Variants in INPP4B observed in about 807,000 individuals in gnomAD.
INPP4B encodes the protein inositol polyphosphate 4-phosphatase type II.
Under a neutral mutation model 122.5 loss-of-function variants are expected in INPP4B, and 55 were observed. The observed-to-expected ratio is 0.45, with a 90% CI of 0.36 to 0.56. The LOEUF (loss-of-function observed/expected upper bound fraction) is 0.56, where lower values mean the gene tolerates loss of function less well. Among genes scored for constraint, INPP4B ranks in the 20% least tolerant of loss-of-function variants. The pLI, the probability that INPP4B is intolerant of heterozygous loss-of-function variation, is 0.00. For missense variants in INPP4B, 1,000 were observed against 1,097.7 expected (o/e 0.91, Z 1.26); for synonymous variants, 403 against 388.7 (o/e 1.04, Z -0.43).
At chr4:142,033,827 G>A (rs1301267109) in intron 25 of INPP4B, among the ~76,000 whole-genome samples, 1 of 79,026 alleles carries the variant, frequency 1.3e-5, no homozygotes, top group Non-Finnish European at 3.0e-5. Flanking sequence ...AACATGCGCA[G>A]CTAATTTTTG....
chr4:142,296,770 T>C (rs1758883454), intron 9 of INPP4B, among the ~76,000 whole-genome samples: 1 of 152,218 alleles, frequency 6.6e-6, no homozygotes. Context: ...AATCTCACAT[T>C]TGCATGCTTT....
intron 25 of INPP4B, among the ~76,000 whole-genome samples, chr4:142,061,771 G>A (rs59505980): frequency 0.063 from 9,408 of 150,284 alleles, 484 homozygotes; most frequent in East Asian, 0.24. Context: ...TATATTGTAT[G>A]TTCTAAATAC....
intron 2 of INPP4B, among the ~76,000 whole-genome samples, chr4:142,566,974 G>A (rs548088007): frequency 6.6e-6 from 1 of 152,078 alleles, no homozygotes; most frequent in East Asian, 1.9e-4. Flanking sequence ...TGATAGTCAC[G>A]TGATTGACTG....
intron 9 of INPP4B, among the ~76,000 whole-genome samples, chr4:142,300,657 G>A (rs1761016836): frequency 6.6e-6 from 1 of 151,930 alleles, no homozygotes; most frequent in Non-Finnish European, 1.5e-5. Context: ...GCATGCATAG[G>A]TATACATATA....
In INPP4B at chr4:142,423,842, A is replaced by AT. The variant is rs368871433; in HGVS notation, c.136+5330dup. On this transcript the variant is annotated intron_variant, in intron 5 of 25. Transcript: ENST00000262992. Reference sequence around the variant, plus strand: ...CCTATAAAAAAAAAAACCTTTATGTATTTTTTATGTACTTACCACTCTTCC... The same window carrying AT: ...CCTATAAAAAAAAAAACCTTTATGTATTTTTTTATGTACTTACCACTCTTCC... 4.8e-3 allele frequency: 2,120 copies of AT among 438,854 alleles called. 44 individuals are homozygous for AT. The highest frequency in any genetic ancestry group is 0.039 in the African/African-American group (1,866 of 48,450). 27.2% of individuals were successfully genotyped at this position (438,854 alleles called of 1,614,324 possible).
chr4:142,527,517 C>T (rs1014936100), intron 2 of INPP4B, among the ~76,000 whole-genome samples: 14 of 152,006 alleles, frequency 9.2e-5, no homozygotes, highest in African/African-American at 9.7e-5. Context: ...GGTGAAGCAA[C>T]GTTTCAACAG....
intron 17 of INPP4B, among the ~76,000 whole-genome samples, chr4:142,150,292 G>C (rs1813121519): frequency 6.6e-6 from 1 of 152,186 alleles, no homozygotes; most frequent in African/African-American, 2.4e-5. Flanking sequence ...TGTGGCTGCA[G>C]TATGTGGTGC....
intron 23 of INPP4B, among the ~76,000 whole-genome samples, chr4:142,103,872 AT>A (rs34667025): frequency 7.9e-5 from 12 of 151,414 alleles, no homozygotes; most frequent in Non-Finnish European, 1.2e-4. Flanking sequence ...ACAGTACTAA[AT>A]TTTTTTTTCT....
chr4:142,777,152 C>T (rs1441141739), intron 1 of INPP4B, among the ~76,000 whole-genome samples: 2 of 152,056 alleles, frequency 1.3e-5, no homozygotes, highest in East Asian at 3.9e-4. Context: ...ATGTGATAGA[C>T]AGCCCCTAGG....
intron 1 of INPP4B, among the ~76,000 whole-genome samples, chr4:142,835,736 G>A (rs1782697126): frequency 3.3e-5 from 5 of 152,194 alleles, no homozygotes; most frequent in Middle Eastern, 3.2e-3. Context: ...TGAGTGAGCT[G>A]TTTAAGAAAT....
At chr4:142,203,176 A>T (rs1335320793) in intron 14 of INPP4B, among the ~76,000 whole-genome samples, 2 of 152,120 alleles carry the variant, frequency 1.3e-5, no homozygotes, top group Non-Finnish European at 2.9e-5. Flanking sequence ...TAAAGGGACC[A>T]GGCTCACAAA....
intron 1 of INPP4B, among the ~76,000 whole-genome samples, chr4:142,760,680 C>A (rs1771200096): frequency 6.6e-6 from 1 of 152,074 alleles, no homozygotes; most frequent in South Asian, 2.1e-4. Context: ...TCTACCTATT[C>A]TTATATTAAA....
chr4:142,283,368 G>A (rs2150821549), intron 9 of INPP4B, among the ~76,000 whole-genome samples: 1 of 152,164 alleles, frequency 6.6e-6, no homozygotes, highest in Non-Finnish European at 1.5e-5. Context: ...TTATCATTAG[G>A]TCGTTGGATA....
intron 2 of INPP4B, among the ~76,000 whole-genome samples, chr4:142,592,427 T>C (rs990831811): frequency 6.6e-6 from 1 of 152,142 alleles, no homozygotes; most frequent in Non-Finnish European, 1.5e-5. Flanking sequence ...CAACAGATAC[T>C]TTCAAATAAA....
chr4:142,479,710 C>T (rs529321989), intron 2 of INPP4B, among the ~76,000 whole-genome samples: 2 of 152,000 alleles, frequency 1.3e-5, no homozygotes, highest in African/African-American at 2.4e-5. Flanking sequence ...AATGCAGGAA[C>T]AGAAAACCAA....
intron 17 of INPP4B, among the ~76,000 whole-genome samples, chr4:142,158,257 C>T (rs146960464): frequency 6.6e-5 from 10 of 152,194 alleles, no homozygotes; most frequent in African/African-American, 2.4e-4. Context: ...TTTAAATCTC[C>T]AGAATTACTT....
intron 2 of INPP4B, among the ~76,000 whole-genome samples, chr4:142,715,525 T>C (rs1032021486): frequency 3.3e-5 from 5 of 152,162 alleles, no homozygotes; most frequent in African/African-American, 1.2e-4. Flanking sequence ...AAGAATAGCA[T>C]ATCACAAAGT....
chr4:142,711,583 C>G (rs1763123128), intron 2 of INPP4B, among the ~76,000 whole-genome samples: 1 of 152,080 alleles, frequency 6.6e-6, no homozygotes, highest in African/African-American at 2.4e-5. Context: ...TTATCTCTCA[C>G]TAATACAGTT....
intron 1 of INPP4B, among the ~76,000 whole-genome samples, chr4:142,793,628 A>G (rs1345476503): frequency 6.6e-6 from 1 of 152,118 alleles, no homozygotes; most frequent in Non-Finnish European, 1.5e-5. Context: ...TGTGATTTCA[A>G]ACATCAAACA....
Sources: allele counts gnomAD v4.1 joint callset (sites outside exome capture counted in the v4.1 genomes callset), GRCh38; gene constraint gnomAD v4.1.1; transcripts MANE v1.5; gene names NCBI Gene and HGNC (gene_info 2026-07-23, HGNC 2026-07-21).